The following TENM4 variants were observed in gnomAD, a reference collection of about 807,000 sequenced individuals.
The protein encoded by TENM4 is teneurin-4.
Under a neutral mutation model 243.3 loss-of-function variants are expected in TENM4, and 82 were observed. That is an observed-to-expected ratio of 0.34 (90% confidence interval 0.28 to 0.40). The LOEUF (loss-of-function observed/expected upper bound fraction) is 0.40. Among genes scored for constraint, TENM4 ranks in the 10% least tolerant of loss-of-function variants. The probability of loss-of-function intolerance (pLI) is 1.00; values close to 1 mark genes in which losing one functional copy is unlikely to be tolerated. For synonymous variants in TENM4, 1,412 were observed against 1,456.3 expected, an observed-to-expected ratio of 0.97 and a Z score of 0.69; for missense variants, 3,138 against 3,673.3, an observed-to-expected ratio of 0.85 and a Z score of 3.77.
chr11:78,690,779 T>C (rs1858799809), intron 28 of TENM4, among the ~76,000 whole-genome samples: 1 of 152,206 alleles, frequency 6.6e-6, no homozygotes, highest in Non-Finnish European at 1.5e-5. Flanking sequence ...AGTCATCTTT[T>C]AAATCAACAG....
chr11:79,040,140 G>A (rs1261773501), intron 6 of TENM4, among the ~76,000 whole-genome samples: 2 of 152,054 alleles, frequency 1.3e-5, no homozygotes, highest in African/African-American at 2.4e-5. Flanking sequence ...AACCCTGGAA[G>A]TCTTTCCTGA....
chr11:79,398,534 C>T (rs891131686), intron 1 of TENM4, among the ~76,000 whole-genome samples: 5 of 151,918 alleles, frequency 3.3e-5, no homozygotes, highest in African/African-American at 1.2e-4. Flanking sequence ...TCACTGAGTG[C>T]GGACAGGAAT....
At chr11:79,222,336 G>A (rs1448206821) in intron 2 of TENM4, among the ~76,000 whole-genome samples, 9 of 152,102 alleles carry the variant, frequency 5.9e-5, no homozygotes, top group African/African-American at 1.7e-4. Context: ...ACATTATCTC[G>A]TTCCTTTTTT....
At chr11:78,941,934 A>G (rs983276902) in intron 6 of TENM4, among the ~76,000 whole-genome samples, 6 of 151,912 alleles carry the variant, frequency 3.9e-5, no homozygotes, top group African/African-American at 1.5e-4. Flanking sequence ...CTGGGGAACT[A>G]TGGGGCTAGA....
intron 10 of TENM4, among the ~76,000 whole-genome samples, chr11:78,862,076 A>G (rs1417384313): frequency 5.3e-5 from 8 of 152,186 alleles, no homozygotes. Flanking sequence ...AGCAAACCCA[A>G]TGCCACCACC....
intron 6 of TENM4, among the ~76,000 whole-genome samples, chr11:78,933,496 G>T (rs1425808048): frequency 6.6e-6 from 1 of 152,130 alleles, no homozygotes; most frequent in Admixed American, 6.5e-5. Context: ...TTCATTCTTG[G>T]TTTGGTCTTC....
intron 6 of TENM4, among the ~76,000 whole-genome samples, chr11:78,963,266 T>C (rs917503150): frequency 2.0e-5 from 3 of 152,236 alleles, no homozygotes; most frequent in African/African-American, 4.8e-5. Flanking sequence ...CAGCTTTCTA[T>C]AGTTCTATGA....
intron 27 of TENM4, among the ~76,000 whole-genome samples, chr11:78,706,479 C>G (rs1437397102): frequency 6.6e-6 from 1 of 152,136 alleles, no homozygotes; most frequent in Non-Finnish European, 1.5e-5. Flanking sequence ...AGAGAGGAAG[C>G]TCTGAGAATG....
chr11:78,874,784 A>T (rs1054490974), intron 9 of TENM4, among the ~76,000 whole-genome samples: 1 of 152,164 alleles, frequency 6.6e-6, no homozygotes, highest in African/African-American at 2.4e-5. Context: ...AGATGATCTG[A>T]GTGGTAAAAT....
At position 78,708,470 on chromosome 11, in the gene TENM4, G is replaced by T. The variant is rs763485258; in HGVS notation, c.4100C>A (p.Thr1367Asn). The change falls in exon 27 of 34, where the codon ACC becomes AAC. Residue 1367 changes from threonine (T) to asparagine (N), a missense_variant. Physicochemically the swap from Thr to Asn is moderately conservative, Grantham distance 65. Transcript: ENST00000278550. The stretch of plus-strand genomic sequence containing the variant: ...ATTCTGATCGATGCGTCTGATCATG[G>T]TGCCATCCACGAAGTAGATCAGCCC... ...KFGLIYFVDG[T>N]MIRRIDQNGI... 2.5e-6 allele frequency: 4 copies of T among 1,614,020 alleles called. No homozygotes were observed. Among genetic ancestry groups the T allele is most frequent in the Admixed American group, 1.7e-5 (1 of 60,016 alleles).
chr11:78,716,347 C>T (rs184822997), intron 25 of TENM4, among the ~76,000 whole-genome samples: 10 of 152,300 alleles, frequency 6.6e-5, no homozygotes, highest in Non-Finnish European at 1.2e-4. Flanking sequence ...TTCATTGTGT[C>T]TCCACTAGAG....
intron 6 of TENM4, among the ~76,000 whole-genome samples, chr11:78,986,077 CT>C (rs1162814278): frequency 4.6e-5 from 7 of 152,174 alleles, no homozygotes; most frequent in Non-Finnish European, 1.0e-4. Flanking sequence ...GAGCAATTCC[CT>C]TTTTTTCTAC....
At chr11:79,373,760 T>C (rs1590919619) in intron 1 of TENM4, among the ~76,000 whole-genome samples, 1 of 152,216 alleles carries the variant, frequency 6.6e-6, no homozygotes, top group Non-Finnish European at 1.5e-5. Context: ...ATTAAAAACC[T>C]TATATGAAAT....
chr11:79,206,155 T>G (rs910628610), intron 3 of TENM4, among the ~76,000 whole-genome samples: 1 of 152,022 alleles, frequency 6.6e-6, no homozygotes. Context: ...TGCCCTGAAG[T>G]GGGAAAATCA....
intron 9 of TENM4, among the ~76,000 whole-genome samples, chr11:78,874,163 A>C (rs1324776411): frequency 1.3e-5 from 2 of 152,132 alleles, no homozygotes; most frequent in Non-Finnish European, 2.9e-5. Context: ...GTAGAGAGAC[A>C]GTAAGGCTCC....
At chr11:79,261,604 T>C (rs544993265) in intron 2 of TENM4, among the ~76,000 whole-genome samples, 6 of 152,276 alleles carry the variant, frequency 3.9e-5, no homozygotes, top group Non-Finnish European at 7.4e-5. Flanking sequence ...CCCACCTTCC[T>C]TGGGTCTGGA....
At chr11:79,192,102 C>G (rs1863520135) in intron 3 of TENM4, among the ~76,000 whole-genome samples, 1 of 145,594 alleles carries the variant, frequency 6.9e-6, no homozygotes, top group Non-Finnish European at 1.5e-5. Flanking sequence ...GGGGGGGGGT[C>G]AGCCCCCCGC....
intron 3 of TENM4, among the ~76,000 whole-genome samples, chr11:79,183,417 G>A (rs569194622): frequency 6.6e-6 from 1 of 152,302 alleles, no homozygotes; most frequent in East Asian, 1.9e-4. Flanking sequence ...TGAATAGGCA[G>A]AACACAGAGG....
intron 2 of TENM4, among the ~76,000 whole-genome samples, chr11:79,251,584 A>G (rs1302084159): frequency 3.3e-5 from 5 of 152,146 alleles, no homozygotes; most frequent in South Asian, 2.1e-4. Context: ...AATATCACAA[A>G]CTACATCACC....
Sources: gnomAD v4.1 joint callset for allele counts (sites outside exome capture counted in the v4.1 genomes callset) on GRCh38, gnomAD v4.1.1 for gene constraint, MANE v1.5 for transcripts, NCBI Gene and HGNC (gene_info 2026-07-23, HGNC 2026-07-21) for gene names.